The following PLA2G4A variants were observed in gnomAD, a reference collection of about 807,000 sequenced individuals.
PLA2G4A encodes the protein phospholipase A2 group IVA.
A neutral mutation model predicts 81.9 loss-of-function variants in PLA2G4A; 40 were observed. The ratio of observed to expected loss-of-function variants is 0.49; its 90% CI spans 0.38 to 0.64. The LOEUF (loss-of-function observed/expected upper bound fraction) is 0.64. PLA2G4A is among the 30% of genes least tolerant of loss of function. The pLI, the probability that PLA2G4A is intolerant of heterozygous loss-of-function variation, is 0.00. For synonymous variants in PLA2G4A, 302 were observed against 296.9 expected, an observed-to-expected ratio of 1.02 and a Z score of -0.18; for missense variants, 715 against 905.1, an observed-to-expected ratio of 0.79 and a Z score of 2.69.
chr1:186,906,210 A>T (rs1183949125), intron 5 of PLA2G4A, among the ~76,000 whole-genome samples: 1 of 152,248 alleles, frequency 6.6e-6, no homozygotes, highest in Non-Finnish European at 1.5e-5. Flanking sequence ...TTTCATAGCT[A>T]ACGCCAGGGA....
chr1:186,845,437 G>T (rs78943690), intron 1 of PLA2G4A, among the ~76,000 whole-genome samples: 11,435 of 151,974 alleles, frequency 0.075, 1,489 homozygotes, highest in African/African-American at 0.26. Flanking sequence ...TTTTCCCTAC[G>T]TACAGACAAG....
At chr1:186,968,920 A>G (rs1211976901) in intron 15 of PLA2G4A, among the ~76,000 whole-genome samples, 1 of 150,650 alleles carries the variant, frequency 6.6e-6, no homozygotes, top group African/African-American at 2.4e-5. Flanking sequence ...TTTATACAAT[A>G]TGATGGGGAT....
rs1046430477 is a variant in PLA2G4A at position 186,831,022 on chromosome 1, T to C, written c.-70+1987T>C. On this transcript the variant is annotated intron_variant, in intron 1 of 17. Transcript: ENST00000367466. Reference sequence around the variant, plus strand: ...TCTTTCTTTCTTTCTTTCTTTCTTTTTCTTTCTTTCTTACTTTTTCTTTCT... The same window carrying C: ...TCTTTCTTTCTTTCTTTCTTTCTTTCTCTTTCTTTCTTACTTTTTCTTTCT... 2.7e-5 allele frequency among the ~76,000 whole-genome samples: 4 copies of C among 149,444 alleles called. No homozygotes were observed. The East Asian group carries it at 5.9e-4, about 22-fold the overall frequency.
chr1:186,940,132 T>TGCAATTCAGAGGTTC, intron 10 of PLA2G4A, 38 bp downstream of exon 10: 1 of 1,086,712 alleles, frequency 9.2e-7, no homozygotes, highest in African/African-American at 1.5e-5. Flanking sequence ...TCCTGGAACC[T>TGCAATTCAGAGGTTC]CTGAATTGCA....
At chr1:186,904,859 A>AT (rs148742175) in intron 5 of PLA2G4A, among the ~76,000 whole-genome samples, 1,005 of 86,642 alleles carry the variant, frequency 0.012, 14 homozygotes, top group African/African-American at 0.063. Context: ...ATATATATAT[A>AT]TTTTTTTTTT....
intron 2 of PLA2G4A, among the ~76,000 whole-genome samples, chr1:186,856,393 CTTT>C (rs546355935): frequency 3.0e-5 from 4 of 134,968 alleles, no homozygotes; most frequent in Non-Finnish European, 3.2e-5. Flanking sequence ...TTAGTTGTTG[CTTT>C]TTTTTTTTTT....
intron 17 of PLA2G4A, among the ~76,000 whole-genome samples, chr1:186,985,590 A>G (rs958233905): frequency 2.0e-5 from 3 of 152,052 alleles, no homozygotes; most frequent in African/African-American, 7.2e-5. Context: ...ATTGCTTATA[A>G]TCTCACCTCT....
intron 13 of PLA2G4A, among the ~76,000 whole-genome samples, 182 bp downstream of exon 13, chr1:186,950,910 T>C (rs1656536801): frequency 6.6e-6 from 1 of 152,196 alleles, no homozygotes; most frequent in Admixed American, 6.5e-5. Flanking sequence ...AGGCAGCACA[T>C]ATAAATCCCT....
chr1:186,877,711 A>G, intron 3 of PLA2G4A, among the ~76,000 whole-genome samples: 1 of 136,472 alleles, frequency 7.3e-6, no homozygotes, highest in African/African-American at 3.3e-5. Flanking sequence ...CTCACAAAAA[A>G]AAAAAAAAAA....
At position 186,919,205 on chromosome 1, in the gene PLA2G4A, G is replaced by A. The variant is rs114064312; in HGVS notation, c.558+7816G>A. Among the ~76,000 whole-genome samples the A allele has an allele frequency of 6.2e-3, 938 of 152,210 alleles. 12 individuals are homozygous for A. Among genetic ancestry groups the A allele is most frequent in the African/African-American group, 0.021 (880 of 41,536 alleles). ...CCCAATCGCCCCTCTTTGTAACCCC[G>A]TACAAAGGTTTGGCTAAAACTGCAA... On this transcript the variant is annotated intron_variant, in intron 7 of 17. Coordinates refer to ENST00000367466, the MANE Select transcript of PLA2G4A (RefSeq NM_024420.3).
intron 14 of PLA2G4A, among the ~76,000 whole-genome samples, chr1:186,958,479 A>T (rs1450348783): frequency 2.0e-5 from 3 of 152,304 alleles, no homozygotes; most frequent in South Asian, 2.1e-4. Context: ...CTACAAATTC[A>T]TAGAGCATGT....
intron 15 of PLA2G4A, among the ~76,000 whole-genome samples, chr1:186,973,406 G>C (rs75211878): frequency 2.0e-5 from 3 of 152,038 alleles, no homozygotes; most frequent in Non-Finnish European, 4.4e-5. Flanking sequence ...GCCCACCTAC[G>C]TAATCCAAGA....
intron 5 of PLA2G4A, among the ~76,000 whole-genome samples, chr1:186,901,074 T>C (rs781248845): frequency 1.3e-5 from 2 of 152,148 alleles, no homozygotes; most frequent in African/African-American, 4.8e-5. Flanking sequence ...CGTATTGATG[T>C]TTGAAAACAA....
chr1:186,850,662 G>T (rs1307005155), intron 1 of PLA2G4A, among the ~76,000 whole-genome samples: 1 of 152,098 alleles, frequency 6.6e-6, no homozygotes, highest in African/African-American at 2.4e-5. Flanking sequence ...ATGCTCTTCT[G>T]CTATGCCATT....
intron 5 of PLA2G4A, among the ~76,000 whole-genome samples, chr1:186,901,591 A>G (rs576807512): frequency 1.3e-5 from 2 of 152,324 alleles, no homozygotes; most frequent in East Asian, 3.9e-4. Context: ...AGTCTGAGAA[A>G]AAAGAAGTAA....
At chr1:186,848,638 A>G (rs773622831) in intron 1 of PLA2G4A, among the ~76,000 whole-genome samples, 2 of 152,136 alleles carry the variant, frequency 1.3e-5, no homozygotes, top group Non-Finnish European at 2.9e-5. Context: ...ATCAAAGAAC[A>G]AGACAAAGTT....
chr1:186,945,647 A>G (rs1449423763), intron 10 of PLA2G4A, among the ~76,000 whole-genome samples: 1 of 152,120 alleles, frequency 6.6e-6, no homozygotes, highest in African/African-American at 2.4e-5. Context: ...TATAAGGGAA[A>G]AGAGAACCAT....
At chr1:186,885,490 G>C (rs1653904348) in intron 3 of PLA2G4A, among the ~76,000 whole-genome samples, 1 of 152,130 alleles carries the variant, frequency 6.6e-6, no homozygotes, top group Non-Finnish European at 1.5e-5. Context: ...CATCTGTGGA[G>C]GTAGATCTAG....
chr1:186,973,779 G>T (rs1657439763), intron 15 of PLA2G4A, among the ~76,000 whole-genome samples: 1 of 152,096 alleles, frequency 6.6e-6, no homozygotes, highest in South Asian at 2.1e-4. Context: ...TTTATTAAAA[G>T]TAAGAGAGAC....
Sources: allele counts gnomAD v4.1 joint callset (sites outside exome capture counted in the v4.1 genomes callset), GRCh38; gene constraint gnomAD v4.1.1; transcripts MANE v1.5; gene names NCBI Gene and HGNC (gene_info 2026-07-23, HGNC 2026-07-21).